The following LPAR1 variants were observed in gnomAD, a reference collection of about 807,000 sequenced individuals.
The protein encoded by LPAR1 is lysophosphatidic acid receptor 1.
In LPAR1, 5 loss-of-function variants were observed where a neutral mutation model predicts 23.8. The observed-to-expected ratio is 0.21, with a 90% CI of 0.11 to 0.44. The LOEUF (loss-of-function observed/expected upper bound fraction) is 0.44, where lower values mean the gene tolerates loss of function less well. Ranked by LOEUF, LPAR1 falls within the 20% of genes least tolerant of loss-of-function variation. LPAR1 has a pLI of 0.99. For synonymous variants in LPAR1, 160 were observed against 164.7 expected (o/e 0.97, Z 0.22); for missense variants, 311 against 482.8 (o/e 0.64, Z 3.33).
chr9:110,917,512 T>A (rs1296723329), intron 5 of LPAR1, among the ~76,000 whole-genome samples: 1 of 152,206 alleles, frequency 6.6e-6, no homozygotes, highest in Admixed American at 6.6e-5. Context: ...ACAGAATTGC[T>A]TTCATTGAAC....
At chr9:110,879,751 C>T (rs1398581503) in intron 5 of LPAR1, among the ~76,000 whole-genome samples, 1 of 152,070 alleles carries the variant, frequency 6.6e-6, no homozygotes, top group Non-Finnish European at 1.5e-5. Flanking sequence ...TTCCAAATTC[C>T]AGAAGAGAGA....
chr9:110,948,896 G>GT (rs2095478511), intron 4 of LPAR1, among the ~76,000 whole-genome samples: 1 of 150,556 alleles, frequency 6.6e-6, no homozygotes, highest in South Asian at 2.1e-4. Flanking sequence ...CTTCGTATTG[G>GT]TAAGTGTGTA....
At chr9:110,915,972 TCAAA>T (rs1425622863) in intron 5 of LPAR1, among the ~76,000 whole-genome samples, 9 of 151,518 alleles carry the variant, frequency 5.9e-5, no homozygotes, top group South Asian at 2.1e-4. Context: ...ATGACTAAAA[TCAAA>T]CAAACAGGTA....
At chr9:110,932,238 G>T (rs1275351653) in intron 5 of LPAR1, among the ~76,000 whole-genome samples, 1 of 152,158 alleles carries the variant, frequency 6.6e-6, no homozygotes, top group Non-Finnish European at 1.5e-5. Context: ...TAGAGTGCCA[G>T]GACCTATTCT....
intron 2 of LPAR1, among the ~76,000 whole-genome samples, chr9:111,018,354 A>C (rs934217897): frequency 6.6e-5 from 10 of 152,352 alleles, no homozygotes; most frequent in African/African-American, 2.4e-4. Context: ...AGCCATAAAA[A>C]TCATCCCTGC....
intron 5 of LPAR1, among the ~76,000 whole-genome samples, chr9:110,901,930 C>A (rs2089252503): frequency 6.6e-6 from 1 of 152,122 alleles, no homozygotes; most frequent in Admixed American, 6.5e-5. Context: ...AGTCCCTGCA[C>A]AAGAATTCTG....
At chr9:110,976,295 A>G (rs1371275160) in intron 2 of LPAR1, among the ~76,000 whole-genome samples, 1 of 150,558 alleles carries the variant, frequency 6.6e-6, no homozygotes, top group Admixed American at 6.7e-5. Flanking sequence ...GTTCAAGACC[A>G]GCCTGGCCAA....
intron 5 of LPAR1, among the ~76,000 whole-genome samples, chr9:110,930,557 G>A (rs1477564935): frequency 1.3e-5 from 2 of 151,898 alleles, no homozygotes; most frequent in African/African-American, 4.8e-5. Context: ...TTTCCTTATA[G>A]GTCAGTAACC....
At chr9:110,908,040 T>C (rs940612903) in intron 5 of LPAR1, among the ~76,000 whole-genome samples, 1 of 151,874 alleles carries the variant, frequency 6.6e-6, no homozygotes, top group African/African-American at 2.4e-5. Flanking sequence ...CTCATATCCA[T>C]CCCAAATAAT....
In LPAR1 at chr9:110,941,831, A is replaced by G. The variant is rs2136173150; in HGVS notation, c.383T>C (p.Ile128Thr). The change falls in exon 5 of 6, where the codon ATT (isoleucine) becomes ACT (threonine). Residue 128 changes from isoleucine (I) to threonine (T), a missense_variant. By Grantham distance (89) the Ile-to-Thr change is moderately conservative (BLOSUM62 -1). Coordinates refer to ENST00000683809, the MANE Select transcript of LPAR1 (RefSeq NM_001351411.2). This position sits in a 1 kb window ranked among gnomAD's most constrained non-coding sequence, Gnocchi z 6.1. ...CACAGATGCCGTCAGGCTGGTGTCA[A>G]TGAGGCCCTGACGAAGGAGCCATGT... ...VSTWLLRQGL[I>T]DTSLTASVAN... The G allele has an allele frequency of 1.2e-6, 2 of 1,614,212 alleles. No homozygotes were observed. Among genetic ancestry groups the G allele is most frequent in the Admixed American group, 1.7e-5 (1 of 60,026 alleles).
chr9:110,941,275 AAT>A lies in LPAR1; in HGVS notation c.793+144_793+145del. The A allele has an allele frequency of 7.1e-6, 5 of 707,092 alleles. No homozygotes were observed. The highest frequency in any genetic ancestry group is 9.4e-6 in the Non-Finnish European group (4 of 424,004). The allele number at this position is 707,092 out of a possible 1,614,324, so 43.8% of individuals were successfully genotyped here. A position where few individuals can be genotyped will look rare whatever the true frequency, so the allele number is the denominator to read the frequency against. On this transcript the variant is annotated intron_variant, in intron 5 of 5. Coordinates refer to ENST00000683809, the MANE Select transcript of LPAR1 (RefSeq NM_001351411.2). This position sits in a 1 kb window ranked among gnomAD's most constrained non-coding sequence, Gnocchi z 6.1. ...TAGGAAGACTCATAAGCTGACATTT[AAT>A]ATAAAGGTGCCTCATCCCCTTGTAA...
In LPAR1 at chr9:110,974,966, C is replaced by T. The variant is rs550614847; in HGVS notation, c.-181-1408G>A. Among the ~76,000 whole-genome samples, 38 of 152,120 alleles carry T rather than the reference C, an allele frequency of 2.5e-4. No individual in the cohort carries two copies. In the South Asian group the frequency reaches 7.9e-3, roughly 32 times the overall value. ...CTTCTCATGTATTTATTATTCCTGG[C>T]ATTATTTTTTGCCCACTCCTACTTT... On this transcript the variant is annotated intron_variant, in intron 2 of 5. Coordinates refer to ENST00000683809, the MANE Select transcript of LPAR1 (RefSeq NM_001351411.2).
chr9:110,892,378 T>A (rs569018268), intron 5 of LPAR1, among the ~76,000 whole-genome samples: 1 of 152,230 alleles, frequency 6.6e-6, no homozygotes, highest in Non-Finnish European at 1.5e-5. Flanking sequence ...AAGTAGGTCA[T>A]AGCTCAGGCC....
chr9:111,022,673 G>C (rs2097580728), intron 2 of LPAR1, among the ~76,000 whole-genome samples: 1 of 152,082 alleles, frequency 6.6e-6, no homozygotes, highest in Non-Finnish European at 1.5e-5. Flanking sequence ...TTATATAAAA[G>C]TATTTTTTAA....
At chr9:110,899,599 A>T (rs1326072694) in intron 5 of LPAR1, among the ~76,000 whole-genome samples, 1 of 152,208 alleles carries the variant, frequency 6.6e-6, no homozygotes, top group Non-Finnish European at 1.5e-5. Flanking sequence ...CACCTAGACC[A>T]GTGCTTTATC....
At chr9:110,954,304 G>A (rs2095664002) in intron 4 of LPAR1, among the ~76,000 whole-genome samples, 1 of 152,098 alleles carries the variant, frequency 6.6e-6, no homozygotes, top group Non-Finnish European at 1.5e-5. Context: ...AATGAACAAA[G>A]CCTATGTGAC....
chr9:110,958,649 T>G (rs1324071755), intron 4 of LPAR1, among the ~76,000 whole-genome samples: 1 of 152,132 alleles, frequency 6.6e-6, no homozygotes, highest in African/African-American at 2.4e-5. Context: ...TTCGGGGCAC[T>G]GATCTAGGCA....
At chr9:110,895,818 T>C (rs1039957991) in intron 5 of LPAR1, among the ~76,000 whole-genome samples, 6 of 149,824 alleles carry the variant, frequency 4.0e-5, no homozygotes, top group African/African-American at 1.5e-4. Flanking sequence ...AAAATAATTT[T>C]CCTAAGAAAT....
intron 5 of LPAR1, among the ~76,000 whole-genome samples, chr9:110,891,093 T>A (rs534853670): frequency 2.9e-4 from 44 of 152,274 alleles, no homozygotes; most frequent in African/African-American, 9.9e-4. Flanking sequence ...AAAAAAGTGA[T>A]AAACAATTGA....
Sources: allele counts gnomAD v4.1 joint callset (sites outside exome capture counted in the v4.1 genomes callset), GRCh38; gene constraint gnomAD v4.1.1; non-coding constraint Gnocchi (gnomAD v3.1); transcripts MANE v1.5; gene names NCBI Gene and HGNC (gene_info 2026-07-23, HGNC 2026-07-21).